Variants in PDSS2 observed in about 807,000 individuals in gnomAD.
PDSS2 encodes all trans-polyprenyl-diphosphate synthase PDSS2.
Under a neutral mutation model 44.5 loss-of-function variants are expected in PDSS2, and 31 were observed. The observed-to-expected ratio is 0.70, with a 90% CI of 0.52 to 0.94. The LOEUF (loss-of-function observed/expected upper bound fraction) is 0.94. Ranked by LOEUF, PDSS2 falls within the 40% of genes least tolerant of loss-of-function variation. The pLI is 0.00. For synonymous variants in PDSS2, 157 were observed against 180.3 expected (o/e 0.87, Z 1.03); for missense variants, 452 against 482.2 (o/e 0.94, Z 0.59).
intron 2 of PDSS2, among the ~76,000 whole-genome samples, chr6:107,328,331 T>C (rs1296991345): frequency 6.6e-6 from 1 of 152,212 alleles, no homozygotes; most frequent in Non-Finnish European, 1.5e-5. Flanking sequence ...CCAGACAATT[T>C]ATAACCAATA....
At chr6:107,197,712 T>C in intron 6 of PDSS2, 1 of 396,372 alleles carries the variant, frequency 2.5e-6, no homozygotes, top group African/African-American at 2.1e-5. Context: ...GAATTGTTCC[T>C]GAGGTCAAAC....
rs138054463 is a variant in PDSS2, at chr6:107,191,775, T to C, written c.1041+2047A>G. 2.0e-5 allele frequency among the ~76,000 whole-genome samples: 3 copies of C among 152,286 alleles called. No homozygotes were observed. In the East Asian group the frequency reaches 5.8e-4, roughly 29 times the overall value. On this transcript the variant is annotated intron_variant, in intron 7 of 7. Coordinates refer to ENST00000369037, the MANE Select transcript of PDSS2 (RefSeq NM_020381.4). Reference sequence around the variant, plus strand: ...ACAAGTGCTCATCACCACACCCAGCTAATTTTTACACTGTTTTGTACAGAC... The same window carrying C: ...ACAAGTGCTCATCACCACACCCAGCCAATTTTTACACTGTTTTGTACAGAC...
chr6:107,154,787 A>C lies in PDSS2; in HGVS notation c.1042-10T>G. The C allele has an allele frequency of 6.2e-7, 1 of 1,613,926 alleles. No homozygotes were observed. Among genetic ancestry groups the C allele is most frequent in the Non-Finnish European group, 8.5e-7 (1 of 1,179,750 alleles). On this transcript the variant is annotated splice_polypyrimidine_tract_variant and intron_variant, in intron 7 of 7. Coordinates refer to ENST00000369037, the MANE Select transcript of PDSS2 (RefSeq NM_020381.4). ...TGATTCTTTCTCGCAACTGTTAAGA[A>C]ACAAATGCATGATAAAAGTCAGTTT...
At chr6:107,250,696 G>C (rs545159993) in intron 3 of PDSS2, among the ~76,000 whole-genome samples, 4 of 152,200 alleles carry the variant, frequency 2.6e-5, no homozygotes, top group Admixed American at 2.6e-4. Context: ...AAGCATTCTG[G>C]ATAGACAAGT....
intron 1 of PDSS2, among the ~76,000 whole-genome samples, chr6:107,426,524 G>A (rs1781010444): frequency 6.6e-6 from 1 of 152,182 alleles, no homozygotes. Flanking sequence ...TGTGAGAAGA[G>A]GGCCACCATT....
rs1415317457 is a variant in PDSS2 at position 107,262,898 on chromosome 6, G to A, written c.630+11131C>T. ...AACACTGGCCTGGGCTAGATAGTCC[G>A]GCCTGGGCAAGGTAGTGAGACCTTG... On this transcript the variant is annotated intron_variant, in intron 3 of 7. Coordinates refer to ENST00000369037, the MANE Select transcript of PDSS2 (RefSeq NM_020381.4). 3.3e-5 allele frequency among the ~76,000 whole-genome samples: 5 copies of A among 151,842 alleles called. No homozygotes were observed. In the East Asian group the frequency reaches 5.8e-4, roughly 18 times the overall value.
intron 1 of PDSS2, among the ~76,000 whole-genome samples, chr6:107,346,432 A>G (rs980014254): frequency 8.5e-5 from 13 of 152,184 alleles, no homozygotes; most frequent in African/African-American, 3.1e-4. Flanking sequence ...TATTTTTTCC[A>G]TATCTATTAT....
intron 7 of PDSS2, among the ~76,000 whole-genome samples, chr6:107,171,755 G>A (rs1044176589): frequency 6.6e-6 from 1 of 152,050 alleles, no homozygotes; most frequent in Admixed American, 6.6e-5. Context: ...TGAATTCCTG[G>A]CCTTAAGTGA....
At chr6:107,378,283 A>G (rs575467714) in intron 1 of PDSS2, among the ~76,000 whole-genome samples, 10 of 151,224 alleles carry the variant, frequency 6.6e-5, no homozygotes, top group African/African-American at 2.4e-4. Context: ...TAATAAAAGA[A>G]AAGAAGACAC....
intron 7 of PDSS2, among the ~76,000 whole-genome samples, chr6:107,188,045 G>T (rs1177900570): frequency 6.6e-6 from 1 of 152,162 alleles, no homozygotes; most frequent in African/African-American, 2.4e-5. Flanking sequence ...TGTTCATGAT[G>T]GTTGTCTTGG....
chr6:107,273,447 G>T (rs569564873), intron 3 of PDSS2, among the ~76,000 whole-genome samples: 65 of 152,242 alleles, frequency 4.3e-4, no homozygotes, highest in African/African-American at 1.5e-3. Flanking sequence ...ATCTACTTAT[G>T]ATAGTAAAAA....
At chr6:107,322,942 C>T (rs1272196446) in intron 2 of PDSS2, among the ~76,000 whole-genome samples, 1 of 152,180 alleles carries the variant, frequency 6.6e-6, no homozygotes, top group Non-Finnish European at 1.5e-5. Context: ...TTAGAGATAA[C>T]CAATCAGAGA....
intron 2 of PDSS2, among the ~76,000 whole-genome samples, chr6:107,299,060 T>G (rs1776605981): frequency 7.0e-6 from 1 of 142,664 alleles, no homozygotes; most frequent in Admixed American, 7.6e-5. Context: ...GGTGGGAGGA[T>G]CGCCTGAGCC....
chr6:107,326,722 C>T (rs1777558520), intron 2 of PDSS2, among the ~76,000 whole-genome samples: 1 of 151,702 alleles, frequency 6.6e-6, no homozygotes, highest in Non-Finnish European at 1.5e-5. Context: ...CGTGGTGGTG[C>T]AGACCTGTAA....
chr6:107,431,105 G>C (rs1362370148), intron 1 of PDSS2, among the ~76,000 whole-genome samples: 1 of 152,106 alleles, frequency 6.6e-6, no homozygotes, highest in Non-Finnish European at 1.5e-5. Flanking sequence ...TTCACCAATG[G>C]GAAAACTGAA....
chr6:107,254,372 A>G (rs1360911923), intron 3 of PDSS2, among the ~76,000 whole-genome samples: 1 of 152,130 alleles, frequency 6.6e-6, no homozygotes, highest in East Asian at 1.9e-4. Flanking sequence ...TTCATAAGAA[A>G]TAAAGAAAAA....
At chr6:107,334,446 T>C in intron 1 of PDSS2, 114 bp from the exon 2 acceptor site, 1 of 965,414 alleles carries the variant, frequency 1.0e-6, no homozygotes, top group East Asian at 2.4e-5. Flanking sequence ...TGAGACTTAC[T>C]GAAAAGAAAC....
intron 2 of PDSS2, among the ~76,000 whole-genome samples, chr6:107,292,438 T>C (rs1421274913): frequency 1.1e-4 from 17 of 152,306 alleles, no homozygotes; most frequent in African/African-American, 4.1e-4. Context: ...CCAGCCAATC[T>C]ACAAAGAAGT....
At chr6:107,422,233 A>G (rs568562574) in intron 1 of PDSS2, among the ~76,000 whole-genome samples, 3 of 152,162 alleles carry the variant, frequency 2.0e-5, no homozygotes, top group African/African-American at 7.2e-5. Flanking sequence ...GGCCAACCAC[A>G]TAACAAAAAA....
Sources: allele counts gnomAD v4.1 joint callset (sites outside exome capture counted in the v4.1 genomes callset), GRCh38; gene constraint gnomAD v4.1.1; transcripts MANE v1.5; gene names NCBI Gene and HGNC (gene_info 2026-07-23, HGNC 2026-07-21).